The following FRMPD4 variants were observed in gnomAD, a reference collection of about 807,000 sequenced individuals.
The protein encoded by FRMPD4 is FERM and PDZ domain containing 4.
Under a neutral mutation model 94.1 loss-of-function variants are expected in FRMPD4, and 22 were observed. The ratio of observed to expected loss-of-function variants is 0.23; its 90% confidence interval spans 0.17 to 0.33. FRMPD4 has a LOEUF of 0.33. Ranked by LOEUF, FRMPD4 falls within the 10% of genes least tolerant of loss-of-function variation. The probability of loss-of-function intolerance (pLI) is 1.00; values close to 1 mark genes in which losing one functional copy is unlikely to be tolerated. For missense variants in FRMPD4, 1,111 were observed against 1,339.9 expected (o/e 0.83, Z 2.67); for synonymous variants, 631 against 548.6 (o/e 1.15, Z -2.10).
At chrX:12,195,909 G>C (rs1386622395) in intron 1 of FRMPD4, among the ~76,000 whole-genome samples, 1 of 111,650 alleles carries the variant, frequency 9.0e-6, no homozygotes, top group African/African-American at 3.3e-5. Context: ...ATGTTTTTCT[G>C]GCACCTGGAA....
chrX:11,876,001 G>C (rs1009061032), intron 2 of FRMPD4, among the ~76,000 whole-genome samples: 1 of 107,322 alleles, frequency 9.3e-6, no homozygotes, highest in Non-Finnish European at 1.9e-5. Context: ...TCAGCCTCCG[G>C]AGTAGCTGGG....
At chrX:12,522,594 CTTTTTTT>C (rs373581040) in intron 2 of FRMPD4, among the ~76,000 whole-genome samples, 60 of 74,529 alleles carry the variant, frequency 8.1e-4, no homozygotes, top group Admixed American at 1.3e-3. Context: ...TTTTCTTTTC[CTTTTTTT>C]TTTTTTTTTT....
At chrX:12,072,671 G>T (rs2054979416) in intron 3 of FRMPD4, among the ~76,000 whole-genome samples, 1 of 111,582 alleles carries the variant, frequency 9.0e-6, no homozygotes, top group Admixed American at 9.5e-5. Flanking sequence ...TATTGGAGTG[G>T]TTTTGCAATT....
intron 3 of FRMPD4, among the ~76,000 whole-genome samples, chrX:12,079,304 C>T (rs1365215568): frequency 9.1e-6 from 1 of 109,893 alleles, no homozygotes; most frequent in Non-Finnish European, 1.9e-5. Context: ...CGCCCCCTCC[C>T]CCCACACCAA....
intron 1 of FRMPD4, among the ~76,000 whole-genome samples, chrX:12,434,354 TC>T (rs2057041204): frequency 1.8e-5 from 2 of 111,770 alleles, no homozygotes; most frequent in Admixed American, 1.9e-4. Context: ...CCTTCTTCTC[TC>T]CACCTATAAA....
At chrX:12,017,500 A>T (rs1041834166) in intron 3 of FRMPD4, among the ~76,000 whole-genome samples, 1 of 112,367 alleles carries the variant, frequency 8.9e-6, no homozygotes, top group Non-Finnish European at 1.9e-5. Flanking sequence ...TCAAAGGGAC[A>T]TCAAACACAG....
intron 3 of FRMPD4, among the ~76,000 whole-genome samples, chrX:11,921,315 T>G (rs1035818889): frequency 1.8e-5 from 2 of 112,320 alleles, no homozygotes; most frequent in African/African-American, 6.5e-5. Flanking sequence ...ATGGCCTTTT[T>G]CTGTGTACAT....
chrX:11,836,442 G>C (rs1439124061), intron 1 of FRMPD4, among the ~76,000 whole-genome samples: 1 of 111,771 alleles, frequency 8.9e-6, no homozygotes, highest in African/African-American at 3.2e-5. Context: ...CAGACACTGT[G>C]CTAAGTGCTT....
intron 3 of FRMPD4, among the ~76,000 whole-genome samples, chrX:12,126,966 C>G (rs1204909881): frequency 2.7e-5 from 3 of 111,971 alleles, no homozygotes; most frequent in Non-Finnish European, 5.6e-5. Flanking sequence ...CCCTACAAGT[C>G]TTTGTTCTGG....
intron 1 of FRMPD4, among the ~76,000 whole-genome samples, chrX:12,432,867 C>T (rs2057024845): frequency 1.8e-5 from 2 of 112,223 alleles, no homozygotes; most frequent in African/African-American, 3.2e-5. Flanking sequence ...TCCCAAAGTG[C>T]TGGGATTACA....
At chrX:12,213,075 G>C (rs189102577) in intron 1 of FRMPD4, among the ~76,000 whole-genome samples, 16 of 111,305 alleles carry the variant, frequency 1.4e-4, no homozygotes, top group African/African-American at 5.2e-4. Flanking sequence ...CTGGTCCTGG[G>C]ACAGCCATGC....
chrX:12,662,995 G>A (rs1481892106), intron 4 of FRMPD4, among the ~76,000 whole-genome samples: 1 of 112,380 alleles, frequency 8.9e-6, no homozygotes, highest in Non-Finnish European at 1.9e-5. Context: ...CGGCATAAAT[G>A]TCTTCTTTTG....
At chrX:12,576,347 G>A (rs1399086974) in intron 2 of FRMPD4, among the ~76,000 whole-genome samples, 1 of 112,853 alleles carries the variant, frequency 8.9e-6, no homozygotes, top group African/African-American at 3.2e-5. Flanking sequence ...TGATCATGCT[G>A]AAGTTGGAGA....
At chrX:12,317,603 AC>A (rs1273068448) in intron 1 of FRMPD4, among the ~76,000 whole-genome samples, 1,194 of 98,072 alleles carry the variant, frequency 0.012, 48 homozygotes, top group African/African-American at 0.046. Flanking sequence ...AAAAAAAAAA[AC>A]AAAAAAAACA....
At chrX:12,596,165 C>G (rs1365396564) in intron 2 of FRMPD4, among the ~76,000 whole-genome samples, 3 of 111,255 alleles carry the variant, frequency 2.7e-5, no homozygotes, top group Non-Finnish European at 3.8e-5. Flanking sequence ...CTGGGTGTCT[C>G]TCACTGAACC....
chrX:12,250,456 A>C (rs951015940), intron 1 of FRMPD4, among the ~76,000 whole-genome samples: 47 of 111,925 alleles, frequency 4.2e-4, no homozygotes, highest in Non-Finnish European at 3.8e-4. Context: ...TTTCTTGAGA[A>C]TACCATATGC....
intron 1 of FRMPD4, among the ~76,000 whole-genome samples, chrX:12,341,791 T>G (rs1163155695): frequency 8.9e-6 from 1 of 111,830 alleles, no homozygotes; most frequent in African/African-American, 3.2e-5. Context: ...GAACAACCTG[T>G]GATTCAAGGA....
intron 2 of FRMPD4, among the ~76,000 whole-genome samples, chrX:12,505,398 G>T (rs959849836): frequency 2.3e-4 from 26 of 111,129 alleles, no homozygotes; most frequent in African/African-American, 8.2e-4. Context: ...TTGGAGGCAG[G>T]TGCCTTTTCA....
At chrX:12,682,005 C>A (rs1331223917) in intron 5 of FRMPD4, among the ~76,000 whole-genome samples, 1 of 111,359 alleles carries the variant, frequency 9.0e-6, no homozygotes, top group Non-Finnish European at 1.9e-5. Flanking sequence ...TACTTTTTGT[C>A]CCTATAGATT....
Sources: allele counts gnomAD v4.1 joint callset (sites outside exome capture counted in the v4.1 genomes callset), GRCh38; gene constraint gnomAD v4.1.1; transcripts MANE v1.5; gene names NCBI Gene and HGNC (gene_info 2026-07-23, HGNC 2026-07-21).